NOL10: variants seen among roughly 807,000 people sequenced by gnomAD.
NOL10 encodes H_NH0074G24.1.
A neutral mutation model predicts 103.5 loss-of-function variants in NOL10; 58 were observed. The observed-to-expected ratio is 0.56, with a 90% CI of 0.45 to 0.70. The LOEUF is 0.70. Among genes scored for constraint, NOL10 ranks in the 30% least tolerant of loss-of-function variants. NOL10 has a pLI of 0.00. For synonymous variants in NOL10, 287 were observed against 282.5 expected, an observed-to-expected ratio of 1.02 and a Z score of -0.16; for missense variants, 763 against 807.3, an observed-to-expected ratio of 0.95 and a Z score of 0.67.
intron 13 of NOL10, among the ~76,000 whole-genome samples, chr2:10,621,267 A>G (rs1201209022): frequency 6.6e-6 from 1 of 152,210 alleles, no homozygotes; most frequent in Non-Finnish European, 1.5e-5. Flanking sequence ...GGTGGTGGTG[A>G]GAGGCAAAAA....
intron 13 of NOL10, among the ~76,000 whole-genome samples, chr2:10,627,643 C>G (rs190542523): frequency 1.6e-4 from 25 of 151,918 alleles, no homozygotes; most frequent in African/African-American, 5.8e-4. Context: ...CCACTGCACT[C>G]TAGCCTGGGT....
chr2:10,600,298 T>A (rs1175723359), intron 17 of NOL10, among the ~76,000 whole-genome samples: 1 of 152,212 alleles, frequency 6.6e-6, no homozygotes, highest in Non-Finnish European at 1.5e-5. Flanking sequence ...TCTTTGTCTA[T>A]TTTCACATTA....
intron 1 of NOL10, among the ~76,000 whole-genome samples, chr2:10,686,553 TAAC>T (rs1682224896): frequency 1.3e-5 from 2 of 152,126 alleles, no homozygotes; most frequent in African/African-American, 4.8e-5. Context: ...AGCTTACTGA[TAAC>T]AGACTGTGGA....
intron 12 of NOL10, among the ~76,000 whole-genome samples, chr2:10,651,881 C>T (rs1315037384): frequency 2.0e-5 from 3 of 152,334 alleles, no homozygotes; most frequent in Non-Finnish European, 1.5e-5. Flanking sequence ...TCAACTATTA[C>T]AGATGAAATG....
At chr2:10,577,597 C>T (rs1181159862) in intron 20 of NOL10, 39 bp downstream of exon 20, 3 of 1,443,444 alleles carry the variant, frequency 2.1e-6, no homozygotes, top group Admixed American at 1.9e-5. Context: ...GGCTATTTTT[C>T]TTTTGTGAAT....
At chr2:10,684,727 C>T in intron 1 of NOL10, 115 bp from the exon 2 acceptor site, 1 of 689,202 alleles carries the variant, frequency 1.5e-6, no homozygotes, top group Non-Finnish European at 2.4e-6. Flanking sequence ...GAATATATAA[C>T]ATAGGAAGCA....
At chr2:10,659,288 C>T in intron 9 of NOL10, 38 bp from the exon 10 acceptor site, 1 of 1,273,850 alleles carries the variant, frequency 7.9e-7, no homozygotes, top group African/African-American at 1.5e-5. Context: ...GAATATACGG[C>T]CAAACCTCCT....
At chr2:10,638,784 T>G (rs1332601695) in intron 13 of NOL10, among the ~76,000 whole-genome samples, 3 of 136,526 alleles carry the variant, frequency 2.2e-5, no homozygotes, top group Non-Finnish European at 4.6e-5. Context: ...TGAGCCACCG[T>G]GCCTGGCCTT....
intron 17 of NOL10, among the ~76,000 whole-genome samples, chr2:10,600,446 T>C (rs1206237138): frequency 6.6e-6 from 1 of 152,146 alleles, no homozygotes; most frequent in African/African-American, 2.4e-5. Flanking sequence ...AAGGATTGAG[T>C]AAATTATAAT....
intron 1 of NOL10, among the ~76,000 whole-genome samples, chr2:10,687,725 G>A (rs746102008): frequency 1.3e-5 from 2 of 152,162 alleles, no homozygotes; most frequent in Non-Finnish European, 2.9e-5. Flanking sequence ...TTGGGAGGCC[G>A]AGGTGGGTGG....
intron 1 of NOL10, among the ~76,000 whole-genome samples, chr2:10,687,195 C>T (rs1682275799): frequency 6.6e-6 from 1 of 152,134 alleles, no homozygotes; most frequent in Non-Finnish European, 1.5e-5. Context: ...TTAAACAGGA[C>T]AAGCAGGGGT....
chr2:10,577,485 C>G, intron 20 of NOL10, 151 bp downstream of exon 20: 1 of 596,822 alleles, frequency 1.7e-6, no homozygotes. Flanking sequence ...ACCAGGGGCT[C>G]TGGTTGCAAG....
chr2:10,627,417 T>C (rs930033114), intron 13 of NOL10, among the ~76,000 whole-genome samples: 1 of 152,132 alleles, frequency 6.6e-6, no homozygotes, highest in African/African-American at 2.4e-5. Context: ...TTCTCACACC[T>C]GTAATCCCAG....
Position 10,659,668 on chromosome 2 carries a change from G to A in NOL10, c.678-418C>T, listed in dbSNP as rs562837107. Reference sequence around the variant, plus strand: ...ACTGCGCTGCAGTGGAGCTCTGCTGGGACAACAGAGCAAGACCCTGTCTCA... The same window carrying A: ...ACTGCGCTGCAGTGGAGCTCTGCTGAGACAACAGAGCAAGACCCTGTCTCA... On this transcript the variant is annotated intron_variant, in intron 9 of 20. Coordinates refer to ENST00000381685, the MANE Select transcript of NOL10 (RefSeq NM_024894.4). 2.0e-4 allele frequency among the ~76,000 whole-genome samples: 31 copies of A among 152,122 alleles called. No homozygotes were observed. The East Asian group carries it at 5.6e-3, about 28-fold the overall frequency.
intron 6 of NOL10, among the ~76,000 whole-genome samples, chr2:10,669,397 T>C (rs1004880497): frequency 1.3e-5 from 2 of 149,736 alleles, no homozygotes; most frequent in Admixed American, 1.3e-4. Flanking sequence ...CCTGAATTTT[T>C]TCTTTTCTAT....
chr2:10,596,005 T>G (rs1037930619), intron 17 of NOL10, among the ~76,000 whole-genome samples: 10 of 152,168 alleles, frequency 6.6e-5, no homozygotes, highest in African/African-American at 2.2e-4. Flanking sequence ...TAAAAAAGCT[T>G]TAAAAATAAT....
At chr2:10,630,728 C>CA (rs988221600) in intron 13 of NOL10, among the ~76,000 whole-genome samples, 78 of 150,824 alleles carry the variant, frequency 5.2e-4, no homozygotes, top group African/African-American at 1.1e-3. Flanking sequence ...AAAAACAAAA[C>CA]AAAAAAAAAC....
At chr2:10,627,052 C>T (rs1267718295) in intron 13 of NOL10, among the ~76,000 whole-genome samples, 1 of 152,150 alleles carries the variant, frequency 6.6e-6, no homozygotes. Context: ...GAGAAAAAGG[C>T]CACAGATACT....
At chr2:10,689,106 A>G (rs773932112) in intron 1 of NOL10, among the ~76,000 whole-genome samples, 1 of 152,228 alleles carries the variant, frequency 6.6e-6, no homozygotes, top group Non-Finnish European at 1.5e-5. Context: ...ATCATCACGT[A>G]TAAGAAACAA....
Sources: gnomAD v4.1 joint callset for allele counts (sites outside exome capture counted in the v4.1 genomes callset) on GRCh38, gnomAD v4.1.1 for gene constraint, MANE v1.5 for transcripts, NCBI Gene and HGNC (gene_info 2026-07-23, HGNC 2026-07-21) for gene names.